BIN3: variants seen among roughly 807,000 people sequenced by gnomAD.
BIN3 encodes bridging integrator 3.
Under a neutral mutation model 38.2 loss-of-function variants are expected in BIN3, and 41 were observed. The observed-to-expected ratio is 1.07, with a 90% CI of 0.84 to 1.39. The LOEUF (loss-of-function observed/expected upper bound fraction) is 1.39, where lower values mean the gene tolerates loss of function less well. BIN3 is among the 40% of genes most tolerant of loss of function. The probability of loss-of-function intolerance (pLI) is 0.00; values close to 1 mark genes in which losing one functional copy is unlikely to be tolerated. For synonymous variants in BIN3, 145 were observed against 122.6 expected, an observed-to-expected ratio of 1.18 and a Z score of -1.21; for missense variants, 361 against 324.3, an observed-to-expected ratio of 1.11 and a Z score of -0.87.
chr8:22,653,271 C>T (rs117124384), intron 1 of BIN3, among the ~76,000 whole-genome samples: 2 of 152,308 alleles, frequency 1.3e-5, no homozygotes, highest in Admixed American at 6.5e-5. Flanking sequence ...TGCTCCTCTT[C>T]TTCATTAACT....
chr8:22,625,661 C>T (rs1011593925), intron 6 of BIN3: 19 of 447,168 alleles, frequency 4.2e-5, no homozygotes, highest in Non-Finnish European at 7.8e-5. Context: ...GATCTCTGCT[C>T]ACTGCAGCCT....
At chr8:22,641,813 G>C (rs559371866) in intron 2 of BIN3, among the ~76,000 whole-genome samples, 3 of 152,176 alleles carry the variant, frequency 2.0e-5, no homozygotes, top group African/African-American at 7.2e-5. Context: ...AGGGGGACAC[G>C]AAGAGCAAAG....
intron 3 of BIN3, 76 bp downstream of exon 3, chr8:22,636,846 G>T: frequency 2.0e-6 from 3 of 1,496,594 alleles, no homozygotes; most frequent in Non-Finnish European, 2.8e-6. Flanking sequence ...AGGGCACGGG[G>T]CAGACAGGTG....
At chr8:22,656,558 C>T (rs144566436) in intron 1 of BIN3, among the ~76,000 whole-genome samples, 234 of 152,290 alleles carry the variant, frequency 1.5e-3, no homozygotes, top group African/African-American at 5.5e-3. Context: ...AACATTTACA[C>T]CTATTTATTG....
At chr8:22,667,241 G>A (rs912168834) in intron 1 of BIN3, among the ~76,000 whole-genome samples, 1 of 152,174 alleles carries the variant, frequency 6.6e-6, no homozygotes, top group Non-Finnish European at 1.5e-5. Flanking sequence ...TTGTTAGACA[G>A]TTGTCAATCT....
chr8:22,625,400 G>C (rs577311257), intron 6 of BIN3: 79 of 702,632 alleles, frequency 1.1e-4, no homozygotes, highest in Non-Finnish European at 2.0e-4. Context: ...AGGACCAGAA[G>C]AGTTGGTTCC....
intron 1 of BIN3, among the ~76,000 whole-genome samples, chr8:22,660,163 G>T (rs1172942064): frequency 6.6e-6 from 1 of 152,230 alleles, no homozygotes; most frequent in East Asian, 1.9e-4. Flanking sequence ...ACCTAAGAGA[G>T]GAAGGCAGGC....
rs1801938258 is a variant in BIN3, at chr8:22,624,248, C to T, written c.454G>A (p.Gly152Arg). 6.2e-7 allele frequency: 1 copy of T among 1,613,802 alleles called. No individual in the cohort carries two copies. Among genetic ancestry groups the T allele is most frequent in the Non-Finnish European group, 8.5e-7 (1 of 1,179,878 alleles). Residue 152 changes from glycine to arginine, a missense_variant, in exon 7 of 9, where the codon GGG becomes AGG. Transcript: ENST00000276416. ...TGGTGGAGCTTGGCCAGCACTGGCC[C>T]CGTCTTCTCCTTTTCCTCATACTTC... ...VEKYEEKEKTGPVLAKLHQAR... is the reference protein window; with the variant it reads ...VEKYEEKEKTRPVLAKLHQAR...
chr8:22,657,931 G>T (rs912544463), intron 1 of BIN3, among the ~76,000 whole-genome samples: 2 of 152,238 alleles, frequency 1.3e-5, no homozygotes, highest in Admixed American at 6.5e-5. Context: ...GCAGCCCGGG[G>T]TTGGCAGTGC....
rs564272197 is a variant in BIN3, at chr8:22,645,511, G to A, written c.9-708C>T. On this transcript the variant is annotated intron_variant, in intron 1 of 8. Transcript: ENST00000276416. ...AGAGATAAAGGAAGGGAACAGAAGG[G>A]AAGAAAGGGGAAGGGGAGGGGGAGG... Among the ~76,000 whole-genome samples the A allele has an allele frequency of 2.0e-5, 3 of 151,592 alleles. 1 individual carries two copies. In the South Asian group the frequency reaches 6.3e-4, roughly 32 times the overall value.
chr8:22,624,791 A>G (rs1801954903), intron 6 of BIN3: 2 of 196,058 alleles, frequency 1.0e-5, no homozygotes, highest in Admixed American at 1.1e-4. Context: ...TCTGGCCAAC[A>G]CCTCACTTTT....
chr8:22,639,931 G>C (rs530079808), intron 2 of BIN3, among the ~76,000 whole-genome samples: 1 of 151,798 alleles, frequency 6.6e-6, no homozygotes, highest in Admixed American at 6.6e-5. Flanking sequence ...GCGTGATCTC[G>C]GCTCACCGCA....
chr8:22,647,270 T>A (rs1439370799), intron 1 of BIN3, among the ~76,000 whole-genome samples: 1 of 152,210 alleles, frequency 6.6e-6, no homozygotes, highest in Non-Finnish European at 1.5e-5. Context: ...GAAACGTAGA[T>A]TCCATTATTT....
In BIN3 at chr8:22,669,057, C is replaced by T; in HGVS notation, c.-6G>A. 6.3e-7 allele frequency: 1 copy of T among 1,591,544 alleles called. No homozygotes were observed. Among genetic ancestry groups the T allele is most frequent in the South Asian group, 1.1e-5 (1 of 87,540 alleles). On this transcript the variant is annotated 5_prime_UTR_variant, in exon 1 of 9. Transcript: ENST00000276416. The stretch of plus-strand genomic sequence containing the variant: ...GGCCTCACTCACCAGCTCATGGTCC[C>T]GAACCTGCGTCTGCCGCCGGGGTCC...
intron 1 of BIN3, among the ~76,000 whole-genome samples, chr8:22,659,720 T>C (rs1256349217): frequency 6.6e-6 from 1 of 152,222 alleles, no homozygotes; most frequent in Non-Finnish European, 1.5e-5. Flanking sequence ...CTCTGCCTAT[T>C]ACCAGCTGTG....
Position 22,621,578 on chromosome 8 carries a change from G to A in BIN3, c.616-10C>T, listed in dbSNP as rs754600518. ...CCGAGTAGTACACAACCTGGGGGAGGCGACAGGGGTTGGCACGTGCTGGCT... is the reference window on the plus strand; with the variant it reads ...CCGAGTAGTACACAACCTGGGGGAGACGACAGGGGTTGGCACGTGCTGGCT... On this transcript the variant is annotated splice_polypyrimidine_tract_variant and intron_variant, in intron 8 of 8. Coordinates refer to ENST00000276416, the MANE Select transcript of BIN3 (RefSeq NM_018688.6). 14 of 1,613,206 alleles carry A rather than the reference G, an allele frequency of 8.7e-6. No homozygotes were observed. In the South Asian group the frequency reaches 1.3e-4, roughly 15 times the overall value.
chr8:22,625,544 T>C (rs2117502176), intron 6 of BIN3: 1 of 646,404 alleles, frequency 1.5e-6, no homozygotes, highest in Non-Finnish European at 2.8e-6. Flanking sequence ...GGAGCTCAGC[T>C]ACCACACAGA....
intron 6 of BIN3, among the ~76,000 whole-genome samples, chr8:22,629,094 G>A (rs1802097612): frequency 6.6e-6 from 1 of 152,228 alleles, no homozygotes; most frequent in South Asian, 2.1e-4. Context: ...CTTCAGGCCT[G>A]CACAATCAAC....
chr8:22,623,707 G>C (rs751827417), intron 8 of BIN3, among the ~76,000 whole-genome samples: 2 of 152,254 alleles, frequency 1.3e-5, no homozygotes, highest in Admixed American at 6.5e-5. Context: ...ATTTACCAGA[G>C]AGCAATGTGA....
Sources: gnomAD v4.1 joint callset for allele counts (sites outside exome capture counted in the v4.1 genomes callset) on GRCh38, gnomAD v4.1.1 for gene constraint, MANE v1.5 for transcripts, NCBI Gene and HGNC (gene_info 2026-07-23, HGNC 2026-07-21) for gene names.